ZFYVE28: variants seen among roughly 807,000 people sequenced by gnomAD.
ZFYVE28 encodes zinc finger FYVE-type containing 28, also known as lateral signaling target protein 2 homolog.
A neutral mutation model predicts 82.1 loss-of-function variants in ZFYVE28; 40 were observed. The ratio of observed to expected loss-of-function variants is 0.49; its 90% CI spans 0.38 to 0.63. ZFYVE28 has a LOEUF of 0.63. Ranked by LOEUF, ZFYVE28 falls within the 30% of genes least tolerant of loss-of-function variation. The pLI is 0.00. For synonymous variants in ZFYVE28, 612 were observed against 546.1 expected, an observed-to-expected ratio of 1.12 and a Z score of -1.68; for missense variants, 1,321 against 1,242.1, an observed-to-expected ratio of 1.06 and a Z score of -0.96.
At chr4:2,401,742 C>A (rs1731204897) in intron 1 of ZFYVE28, among the ~76,000 whole-genome samples, 1 of 152,206 alleles carries the variant, frequency 6.6e-6, no homozygotes, top group African/African-American at 2.4e-5. Context: ...CCTCTATGAC[C>A]CCCGGGGCTC....
rs1308111513 is a variant in ZFYVE28 at position 2,300,197 on chromosome 4, G to A, written c.2051+4092C>T. ...TTACTTTTTGCAGAAGGCAAAGGCT[G>A]GAAATCCACTTCATGGTGTCCCTGG... On this transcript the variant is annotated intron_variant, in intron 8 of 12. Coordinates refer to ENST00000290974, the MANE Select transcript of ZFYVE28 (RefSeq NM_020972.3). This position sits in a 1 kb window ranked among gnomAD's most constrained non-coding sequence, Gnocchi z 4.6. Among the ~76,000 whole-genome samples, 1 of 152,196 alleles carries A rather than the reference G, an allele frequency of 6.6e-6. No individual in the cohort carries two copies. Among genetic ancestry groups the A allele is most frequent in the African/African-American group, 2.4e-5 (1 of 41,440 alleles).
intron 8 of ZFYVE28, among the ~76,000 whole-genome samples, chr4:2,284,405 G>A (rs933016045): frequency 6.6e-6 from 1 of 152,210 alleles, no homozygotes; most frequent in Non-Finnish European, 1.5e-5. Flanking sequence ...TGAAGACCAT[G>A]ATGGGGAGGA....
chr4:2,374,497 C>T (rs1052198229), intron 1 of ZFYVE28, among the ~76,000 whole-genome samples: 1 of 152,116 alleles, frequency 6.6e-6, no homozygotes, highest in East Asian at 1.9e-4. Flanking sequence ...CCTGTAGTCC[C>T]AGCCACTAGG....
intron 6 of ZFYVE28, chr4:2,330,909 G>A: frequency 6.5e-7 from 1 of 1,534,484 alleles, no homozygotes; most frequent in East Asian, 2.5e-5. Flanking sequence ...TCCGGCAAGG[G>A]TCTGAGCAGG....
chr4:2,354,452 A>AT (rs1724940421), intron 1 of ZFYVE28, among the ~76,000 whole-genome samples: 3 of 144,042 alleles, frequency 2.1e-5, no homozygotes, highest in Non-Finnish European at 3.0e-5. Context: ...GCTCTCAGGA[A>AT]ATTTTTTTTT....
chr4:2,311,884 C>G (rs968823639), intron 7 of ZFYVE28, among the ~76,000 whole-genome samples: 2 of 152,210 alleles, frequency 1.3e-5, no homozygotes, highest in Non-Finnish European at 2.9e-5. Flanking sequence ...TCAAGCAATC[C>G]TCCTACCTCA....
chr4:2,303,828 T>C (rs1716016233), intron 8 of ZFYVE28, among the ~76,000 whole-genome samples: 1 of 152,212 alleles, frequency 6.6e-6, no homozygotes, highest in Non-Finnish European at 1.5e-5. Context: ...TTCAGCCCGG[T>C]GTGAGCCAGG....
intron 7 of ZFYVE28, among the ~76,000 whole-genome samples, chr4:2,314,941 C>A (rs1361126293): frequency 2.0e-5 from 3 of 152,174 alleles, no homozygotes; most frequent in East Asian, 3.9e-4. Flanking sequence ...CCATGCCCAG[C>A]TAATTTTTCT....
chr4:2,350,354 C>T (rs561370234), intron 2 of ZFYVE28, among the ~76,000 whole-genome samples: 13 of 152,002 alleles, frequency 8.6e-5, no homozygotes, highest in Non-Finnish European at 1.6e-4. Flanking sequence ...GTCCCAGCTA[C>T]TCGGGAGGCT....
intron 8 of ZFYVE28, among the ~76,000 whole-genome samples, chr4:2,289,329 C>T (rs1713238259): frequency 6.6e-6 from 1 of 152,244 alleles, no homozygotes; most frequent in African/African-American, 2.4e-5. Context: ...ATACTGCCCA[C>T]ACAGATTCCT....
At chr4:2,391,455 CTTTTTTTTT>C (rs140103966) in intron 1 of ZFYVE28, among the ~76,000 whole-genome samples, 1 of 117,224 alleles carries the variant, frequency 8.5e-6, no homozygotes, top group African/African-American at 3.3e-5. Flanking sequence ...GGTCAATTAT[CTTTTTTTTT>C]TTTTTTTTTT....
intron 6 of ZFYVE28, among the ~76,000 whole-genome samples, chr4:2,327,258 AT>A (rs1719983930): frequency 1.7e-3 from 4 of 2,412 alleles, no homozygotes; most frequent in African/African-American, 6.3e-3. Context: ...TCAAATATAT[AT>A]ATATATATAT....
chr4:2,378,642 T>C (rs1410789672), intron 1 of ZFYVE28, among the ~76,000 whole-genome samples: 1 of 152,198 alleles, frequency 6.6e-6, no homozygotes, highest in Non-Finnish European at 1.5e-5. Flanking sequence ...CGGCTGGGGC[T>C]GGTCCTCCTG....
At chr4:2,337,269 A>G in intron 5 of ZFYVE28, 138 bp downstream of exon 5, 1 of 664,738 alleles carries the variant, frequency 1.5e-6, no homozygotes, top group Non-Finnish European at 2.5e-6. Flanking sequence ...TAGTGTGGGA[A>G]GACACGTCTG....
chr4:2,290,319 A>C (rs1194363902), intron 8 of ZFYVE28, among the ~76,000 whole-genome samples: 3 of 152,160 alleles, frequency 2.0e-5, no homozygotes, highest in Non-Finnish European at 4.4e-5. Context: ...TCAGCTACAG[A>C]ACAGGGTCTC....
chr4:2,273,293 A>T lies in ZFYVE28; in HGVS notation c.2207-4T>A. On this transcript the variant is annotated splice_polypyrimidine_tract_variant and splice_region_variant and intron_variant, in intron 9 of 12. Transcript: ENST00000290974. ...GTCTGCAGCTGGTCAGCCACACCTG[A>T]GGAAGGAAGGCCACAGTAACCACGA... is the stretch of plus-strand genomic sequence containing the variant. The T allele has an allele frequency of 3.1e-6, 5 of 1,609,568 alleles. No homozygotes were observed. The highest frequency in any genetic ancestry group is 4.2e-6 in the Non-Finnish European group (5 of 1,178,722).
In ZFYVE28 at chr4:2,335,713, G is replaced by A. The variant is rs773927898; in HGVS notation, c.693C>T (p.Ala231=). The change falls in exon 6 of 13, where the codon GCC becomes GCT. Residue 231 remains alanine (A), a synonymous_variant. Coordinates refer to ENST00000290974, the MANE Select transcript of ZFYVE28 (RefSeq NM_020972.3). This position sits in a 1 kb window ranked among gnomAD's most constrained non-coding sequence, Gnocchi z 5.8. ...GCACAGGAGGCACTCACCACACGAT[G>A]GCCAGCCTGGGGATGCTGAACATGA... ...PALMFSIPRL[A]IVCGLVVYAD... 6.4e-6 allele frequency: 10 copies of A among 1,573,526 alleles called. No individual in the cohort carries two copies. The East Asian group carries it at 2.1e-4, about 33-fold the overall frequency.
chr4:2,368,576 T>C (rs1266838974), intron 1 of ZFYVE28, among the ~76,000 whole-genome samples: 3 of 152,204 alleles, frequency 2.0e-5, no homozygotes, highest in Non-Finnish European at 2.9e-5. Flanking sequence ...TTCCTGTGCA[T>C]AGAATCATAC....
chr4:2,375,548 C>A (rs1728037127), intron 1 of ZFYVE28, among the ~76,000 whole-genome samples: 1 of 152,248 alleles, frequency 6.6e-6, no homozygotes, highest in African/African-American at 2.4e-5. Flanking sequence ...GCTGAGCTCA[C>A]TGCATTTGCT....
Sources: gnomAD v4.1 joint callset for allele counts (sites outside exome capture counted in the v4.1 genomes callset) on GRCh38, gnomAD v4.1.1 for gene constraint, Gnocchi (gnomAD v3.1) non-coding constraint, MANE v1.5 for transcripts, NCBI Gene and HGNC (gene_info 2026-07-23, HGNC 2026-07-21) for gene names.